LINGO2: variants seen among roughly 807,000 people sequenced by gnomAD.
LINGO2 encodes leucine-rich repeat and immunoglobulin-like domain-containing nogo receptor-interacting protein 2.
A neutral mutation model predicts 30.6 loss-of-function variants in LINGO2; 14 were observed. The observed-to-expected ratio is 0.46, with a 90% CI of 0.30 to 0.72. The LOEUF (loss-of-function observed/expected upper bound fraction) is 0.72. LINGO2 is among the 30% of genes least tolerant of loss of function. LINGO2 has a pLI of 0.07. For missense variants in LINGO2, 729 were observed against 751.7 expected (o/e 0.97, Z 0.35); for synonymous variants, 317 against 288.5 (o/e 1.10, Z -1.00).
intron 4 of LINGO2, among the ~76,000 whole-genome samples, chr9:28,247,166 T>C (rs1031355231): frequency 5.3e-5 from 8 of 152,218 alleles, no homozygotes; most frequent in African/African-American, 1.4e-4. Context: ...TGTTAATTAG[T>C]TCAACCATTG....
intron 1 of LINGO2, among the ~76,000 whole-genome samples, chr9:28,563,998 G>A (rs1257972226): frequency 6.6e-6 from 1 of 152,084 alleles, no homozygotes; most frequent in East Asian, 1.9e-4. Flanking sequence ...TAAAGTCACT[G>A]ATAATCAGAC....
the LINGO2 span, among the ~76,000 whole-genome samples, chr9:29,056,919 G>C: frequency 6.6e-6 from 1 of 151,890 alleles, no homozygotes; most frequent in African/African-American, 2.4e-5. Flanking sequence ...TTTATTTCTG[G>C]GTTCTCTATT....
At chr9:28,595,119 A>G (rs925222939) in intron 1 of LINGO2, among the ~76,000 whole-genome samples, 1 of 152,076 alleles carries the variant, frequency 6.6e-6, no homozygotes, top group Non-Finnish European at 1.5e-5. Flanking sequence ...TTATCCATCA[A>G]CAATCCTCTT....
the LINGO2 span, among the ~76,000 whole-genome samples, chr9:29,070,466 A>C: frequency 2.0e-5 from 3 of 152,144 alleles, no homozygotes; most frequent in African/African-American, 7.2e-5. Flanking sequence ...TAATGAGAAC[A>C]AAGAAGAGGA....
intron 4 of LINGO2, among the ~76,000 whole-genome samples, chr9:28,182,439 G>T (rs977550347): frequency 4.6e-5 from 7 of 152,154 alleles, no homozygotes; most frequent in Non-Finnish European, 7.3e-5. Flanking sequence ...AAAAGCAATT[G>T]CAACACAAGC....
At chr9:28,210,435 A>G (rs1447750236) in intron 4 of LINGO2, among the ~76,000 whole-genome samples, 1 of 151,760 alleles carries the variant, frequency 6.6e-6, no homozygotes, top group Non-Finnish European at 1.5e-5. Flanking sequence ...AAGAATAAAA[A>G]AAATAAAGAA....
intron 1 of LINGO2, among the ~76,000 whole-genome samples, chr9:28,570,711 T>C (rs1158134230): frequency 6.6e-6 from 1 of 151,882 alleles, no homozygotes; most frequent in Non-Finnish European, 1.5e-5. Flanking sequence ...CTCTATCTAC[T>C]ACCCATGTCT....
chr9:28,030,879 T>A (rs1049832914), intron 4 of LINGO2, among the ~76,000 whole-genome samples: 6 of 152,152 alleles, frequency 3.9e-5, no homozygotes, highest in African/African-American at 1.4e-4. Flanking sequence ...TCTGAAGTCA[T>A]TTAAGTAAAT....
intron 4 of LINGO2, among the ~76,000 whole-genome samples, chr9:28,182,569 A>G (rs1819388331): frequency 6.6e-6 from 1 of 152,226 alleles, no homozygotes; most frequent in South Asian, 2.1e-4. Context: ...TACCCATCTG[A>G]CAAAGGTCTA....
intron 3 of LINGO2, among the ~76,000 whole-genome samples, chr9:28,326,289 A>G (rs996232124): frequency 5.9e-5 from 9 of 152,130 alleles, no homozygotes; most frequent in Admixed American, 3.3e-4. Flanking sequence ...ACAGGTGTGA[A>G]CCACCACACC....
At chr9:28,104,302 A>G (rs1826515353) in intron 4 of LINGO2, among the ~76,000 whole-genome samples, 1 of 126,662 alleles carries the variant, frequency 7.9e-6, no homozygotes, top group African/African-American at 2.8e-5. Context: ...TTTTTCCCCA[A>G]GCAACAATGA....
intron 4 of LINGO2, among the ~76,000 whole-genome samples, chr9:28,084,205 A>T (rs1385172388): frequency 1.3e-5 from 2 of 152,132 alleles, no homozygotes; most frequent in Non-Finnish European, 2.9e-5. Context: ...AGGGTGTTTC[A>T]TTGTTTTAAA....
intron 1 of LINGO2, among the ~76,000 whole-genome samples, chr9:28,523,141 G>T (rs1165773049): frequency 6.6e-6 from 1 of 151,634 alleles, no homozygotes; most frequent in Non-Finnish European, 1.5e-5. Flanking sequence ...TTTAATCCAG[G>T]AATAAAAGTT....
At chr9:28,836,035 C>G in the LINGO2 span, among the ~76,000 whole-genome samples, 1 of 152,070 alleles carries the variant, frequency 6.6e-6, no homozygotes, top group Admixed American at 6.5e-5. Context: ...ATTGAGTGAG[C>G]AAATGAACAG....
intron 4 of LINGO2, among the ~76,000 whole-genome samples, chr9:28,189,666 AG>A (rs1255340178): frequency 0.023 from 1,892 of 80,928 alleles, 222 homozygotes; most frequent in Non-Finnish European, 0.035. Context: ...GAAGGAAGGA[AG>A]GGAGGAAGGA....
chr9:28,965,235 G>A, the LINGO2 span, among the ~76,000 whole-genome samples: 1 of 151,876 alleles, frequency 6.6e-6, no homozygotes, highest in Non-Finnish European at 1.5e-5. Context: ...AGTAGAAAGT[G>A]AATAGTGAAC....
chr9:29,055,487 A>C, the LINGO2 span, among the ~76,000 whole-genome samples: 4 of 152,158 alleles, frequency 2.6e-5, no homozygotes, highest in African/African-American at 9.7e-5. Flanking sequence ...CATTTTGGCT[A>C]TTGTAAATAA....
intron 1 of LINGO2, among the ~76,000 whole-genome samples, chr9:28,564,807 T>C (rs1823281385): frequency 6.6e-6 from 1 of 152,164 alleles, no homozygotes; most frequent in African/African-American, 2.4e-5. Context: ...TCAGTTCCTC[T>C]ACTGCACTAG....
the LINGO2 span, among the ~76,000 whole-genome samples, chr9:28,819,448 T>C: frequency 6.6e-6 from 1 of 152,218 alleles, no homozygotes; most frequent in African/African-American, 2.4e-5. Context: ...ATATGGCATA[T>C]TGGCATATTC....
Sources: allele counts gnomAD v4.1 joint callset (sites outside exome capture counted in the v4.1 genomes callset), GRCh38; gene constraint gnomAD v4.1.1; transcripts MANE v1.5; gene names NCBI Gene and HGNC (gene_info 2026-07-23, HGNC 2026-07-21).